The following TCF12 variants were observed in gnomAD, a reference collection of about 807,000 sequenced individuals.
TCF12 encodes DNA-binding protein HTF4.
TCF12 carries 45 observed loss-of-function variants against 86.0 expected under a neutral mutation model. The observed-to-expected ratio is 0.52, with a 90% confidence interval of 0.41 to 0.67. TCF12 has a LOEUF of 0.67. Among genes scored for constraint, TCF12 ranks in the 30% least tolerant of loss-of-function variants. The pLI, the probability that TCF12 is intolerant of heterozygous loss-of-function variation, is 0.00. For synonymous variants in TCF12, 330 were observed against 299.6 expected (o/e 1.10, Z -1.05); for missense variants, 881 against 859.9 (o/e 1.02, Z -0.31).
chr15:57,030,695 CCTCTT>C (rs1471981229), intron 3 of TCF12, among the ~76,000 whole-genome samples: 3 of 152,100 alleles, frequency 2.0e-5, no homozygotes, highest in East Asian at 1.9e-4. Flanking sequence ...TCCGTTTCTT[CCTCTT>C]CTCTTCTTTT....
At chr15:57,008,701 C>T (rs922360609) in intron 3 of TCF12, among the ~76,000 whole-genome samples, 12 of 152,196 alleles carry the variant, frequency 7.9e-5, no homozygotes, top group Non-Finnish European at 1.5e-4. Context: ...TTCATCTCTA[C>T]AGTCATTTCC....
chr15:57,178,264 T>C (rs1341582191), intron 6 of TCF12, among the ~76,000 whole-genome samples: 5 of 152,094 alleles, frequency 3.3e-5, no homozygotes, highest in African/African-American at 4.8e-5. Flanking sequence ...TTAATTGTAC[T>C]TTTTTTTCCT....
chr15:57,021,886 T>C (rs2065508759), intron 3 of TCF12, among the ~76,000 whole-genome samples: 1 of 151,878 alleles, frequency 6.6e-6, no homozygotes, highest in African/African-American at 2.4e-5. Context: ...TGTGCAGGGG[T>C]CTTTAATCAG....
At chr15:57,177,104 TTGAATC>T (rs1314998498) in intron 6 of TCF12, among the ~76,000 whole-genome samples, 1 of 152,090 alleles carries the variant, frequency 6.6e-6, no homozygotes, top group Admixed American at 6.6e-5. Context: ...AAAATGTTGT[TTGAATC>T]TGAACCATGT....
At chr15:56,982,687 C>T (rs562356488) in intron 3 of TCF12, among the ~76,000 whole-genome samples, 8 of 152,258 alleles carry the variant, frequency 5.3e-5, no homozygotes, top group South Asian at 2.1e-4. Flanking sequence ...AGGAAGAATG[C>T]GTTCTCTGTA....
At chr15:57,104,571 AGCTGGGAC>A (rs1268227643) in intron 5 of TCF12, among the ~76,000 whole-genome samples, 1 of 149,848 alleles carries the variant, frequency 6.7e-6, no homozygotes, top group East Asian at 2.0e-4. Context: ...CCTCCGGAGT[AGCTGGGAC>A]TACAGGCGCG....
At chr15:57,155,711 A>C (rs1440933031) in intron 5 of TCF12, among the ~76,000 whole-genome samples, 1 of 152,130 alleles carries the variant, frequency 6.6e-6, no homozygotes, top group Non-Finnish European at 1.5e-5. Flanking sequence ...AGGAGGATTG[A>C]ACCCAAGAGT....
At chr15:56,964,764 G>A (rs1349687214) in intron 3 of TCF12, among the ~76,000 whole-genome samples, 1 of 152,118 alleles carries the variant, frequency 6.6e-6, no homozygotes, top group Non-Finnish European at 1.5e-5. Context: ...TATAATAAAG[G>A]ACCAGGCACA....
At chr15:57,188,920 T>C (rs1597177472) in intron 6 of TCF12, among the ~76,000 whole-genome samples, 1 of 152,338 alleles carries the variant, frequency 6.6e-6, no homozygotes, top group Non-Finnish European at 1.5e-5. Flanking sequence ...CCTGAGTAGC[T>C]GGAACTACAG....
At chr15:56,931,683 G>A (rs1057172107) in intron 3 of TCF12, among the ~76,000 whole-genome samples, 7 of 152,086 alleles carry the variant, frequency 4.6e-5, no homozygotes, top group African/African-American at 7.2e-5. Context: ...CTCATTACAG[G>A]CATCTTAATT....
At chr15:56,975,922 A>G (rs1595924849) in intron 3 of TCF12, among the ~76,000 whole-genome samples, 1 of 151,544 alleles carries the variant, frequency 6.6e-6, no homozygotes, top group Non-Finnish European at 1.5e-5. Context: ...TTCAAACACT[A>G]CTGGGCTTTT....
chr15:56,952,109 ACT>A (rs1275490524), intron 3 of TCF12, among the ~76,000 whole-genome samples: 1 of 151,754 alleles, frequency 6.6e-6, no homozygotes, highest in Non-Finnish European at 1.5e-5. Context: ...TCCATAAATT[ACT>A]CTTTCTCAAG....
chr15:57,281,104 C>CTT (rs5812880), intron 19 of TCF12, among the ~76,000 whole-genome samples: 48,351 of 133,760 alleles, frequency 0.36, 10,841 homozygotes, highest in Non-Finnish European at 0.5. Context: ...GCACCCTATT[C>CTT]TTTTTTTTTT....
At chr15:57,150,875 C>G (rs1837657355) in intron 5 of TCF12, among the ~76,000 whole-genome samples, 1 of 97,324 alleles carries the variant, frequency 1.0e-5, no homozygotes, top group Admixed American at 1.1e-4. Flanking sequence ...CCCTCTGTCC[C>G]TTCCTTCCTT....
At chr15:57,290,169 C>T (rs879735032), downstream of TCF12, among the ~76,000 whole-genome samples, 2 of 151,922 alleles carry the variant, frequency 1.3e-5, no homozygotes, top group Non-Finnish European at 2.9e-5. Context: ...ATGGTAAAAC[C>T]CCGTGTCTAC....
chr15:57,121,364 G>A (rs950455084), intron 5 of TCF12, among the ~76,000 whole-genome samples: 5 of 152,192 alleles, frequency 3.3e-5, no homozygotes, highest in Admixed American at 2.6e-4. Flanking sequence ...GAACAATAGT[G>A]TTTGCCATGG....
chr15:57,121,521 C>T (rs1361247562), intron 5 of TCF12, among the ~76,000 whole-genome samples: 2 of 152,128 alleles, frequency 1.3e-5, no homozygotes, highest in Non-Finnish European at 2.9e-5. Flanking sequence ...TATGAAGTGG[C>T]TCAAGGTCGA....
intron 2 of TCF12, among the ~76,000 whole-genome samples, chr15:56,920,475 TACAC>T (rs199682082): frequency 7.1e-5 from 8 of 112,636 alleles, no homozygotes; most frequent in Admixed American, 5.9e-4. Flanking sequence ...TTTTATTTTA[TACAC>T]ACACACACGT....
intron 3 of TCF12, among the ~76,000 whole-genome samples, chr15:56,962,018 G>A (rs1428166154): frequency 6.6e-6 from 1 of 151,556 alleles, no homozygotes; most frequent in Non-Finnish European, 1.5e-5. Flanking sequence ...TGTAGTCCCA[G>A]CTACTCGGAG....
Sources: gnomAD v4.1 joint callset for allele counts (sites outside exome capture counted in the v4.1 genomes callset) on GRCh38, gnomAD v4.1.1 for gene constraint, MANE v1.5 for transcripts, NCBI Gene and HGNC (gene_info 2026-07-23, HGNC 2026-07-21) for gene names.